The following INPP4B variants were observed in gnomAD, a reference collection of about 807,000 sequenced individuals.
INPP4B encodes the protein inositol polyphosphate 4-phosphatase type II.
A neutral mutation model predicts 122.5 loss-of-function variants in INPP4B; 55 were observed. The ratio of observed to expected loss-of-function variants is 0.45; its 90% CI spans 0.36 to 0.56. The LOEUF (loss-of-function observed/expected upper bound fraction) is 0.56, where lower values mean the gene tolerates loss of function less well. Among genes scored for constraint, INPP4B ranks in the 20% least tolerant of loss-of-function variants. INPP4B has a pLI of 0.00. For synonymous variants in INPP4B, 403 were observed against 388.7 expected, an observed-to-expected ratio of 1.04 and a Z score of -0.43; for missense variants, 1,000 against 1,097.7, an observed-to-expected ratio of 0.91 and a Z score of 1.26.
At chr4:142,775,871 C>T (rs1773829252) in intron 1 of INPP4B, among the ~76,000 whole-genome samples, 1 of 151,952 alleles carries the variant, frequency 6.6e-6, no homozygotes. Context: ...TTTGAGAATG[C>T]TCCTATTCAT....
chr4:142,168,791 C>T (rs534200499), intron 16 of INPP4B, among the ~76,000 whole-genome samples: 1 of 151,658 alleles, frequency 6.6e-6, no homozygotes, highest in Admixed American at 6.6e-5. Context: ...TCCAGGGTTC[C>T]TTCTGTGTGA....
intron 25 of INPP4B, among the ~76,000 whole-genome samples, chr4:142,033,407 T>C: frequency 6.6e-6 from 1 of 152,124 alleles, no homozygotes; most frequent in Non-Finnish European, 1.5e-5. Context: ...AAGGAGTTGC[T>C]GTAGTGAGTG....
rs1239440504 is a variant in INPP4B at position 142,024,095 on chromosome 4, C to T, written c.*4687G>A. ...TAATGTACACCATGATTCAGAAAAA[C>T]AAATGCAAATTTCCATACATTAACT... On this transcript the variant is annotated 3_prime_UTR_variant, in exon 26 of 26. Transcript: ENST00000262992. The T allele has an allele frequency of 1.3e-5, 2 of 152,050 alleles. No homozygotes were observed. Among genetic ancestry groups the T allele is most frequent in the Admixed American group, 6.6e-5 (1 of 15,252 alleles). 9.4% of individuals were successfully genotyped at this position (152,050 alleles called of 1,614,324 possible). A position where few individuals can be genotyped will look rare whatever the true frequency, so the allele number is the denominator to read the frequency against.
chr4:142,118,669 C>T (rs4563563), intron 21 of INPP4B, among the ~76,000 whole-genome samples: 29,075 of 148,572 alleles, frequency 0.2, 2,813 homozygotes, highest in South Asian at 0.26. Context: ...ACTTAAATGT[C>T]AGACCTAAAA....
intron 2 of INPP4B, among the ~76,000 whole-genome samples, chr4:142,605,591 GT>G (rs1741061073): frequency 6.6e-6 from 1 of 151,494 alleles, no homozygotes; most frequent in Admixed American, 6.6e-5. Flanking sequence ...ACAAAAACAA[GT>G]AATCCTACTA....
At position 142,146,054 on chromosome 4, in the gene INPP4B, G is replaced by C; in HGVS notation, c.1564-58C>G. On this transcript the variant is annotated intron_variant, in intron 17 of 25. Transcript: ENST00000262992. ...TGTCACAAAAACAAGATAAGGCAAA[G>C]TCGGATAAATCTATTTTAGAGAAGC... 1.9e-6 allele frequency: 3 copies of C among 1,560,740 alleles called. 1 individual carries two copies. In the South Asian group the frequency reaches 3.5e-5, roughly 18 times the overall value.
chr4:142,343,065 C>T (rs1779177678), intron 7 of INPP4B, among the ~76,000 whole-genome samples: 2 of 152,032 alleles, frequency 1.3e-5, no homozygotes, highest in South Asian at 4.2e-4. Flanking sequence ...AAGTACAAAT[C>T]AACATCATTA....
intron 5 of INPP4B, among the ~76,000 whole-genome samples, chr4:142,408,241 T>A (rs1579978915): frequency 6.9e-6 from 1 of 145,072 alleles, no homozygotes; most frequent in Non-Finnish European, 1.5e-5. Flanking sequence ...TAAAGAATCC[T>A]GAAAAATCTG....
At chr4:142,726,110 C>T (rs922833773) in intron 1 of INPP4B, among the ~76,000 whole-genome samples, 14 of 152,164 alleles carry the variant, frequency 9.2e-5, no homozygotes, top group African/African-American at 3.4e-4. Context: ...CAGCTGAGAA[C>T]ATGGGTGACT....
At chr4:142,720,789 C>CTATATA (rs1764493262) in intron 2 of INPP4B, among the ~76,000 whole-genome samples, 1 of 22,284 alleles carries the variant, frequency 4.5e-5, no homozygotes, top group African/African-American at 1.5e-4. Flanking sequence ...CTCTCTCTCT[C>CTATATA]TCTCTCTCTC....
At chr4:142,314,886 GA>G in intron 7 of INPP4B, 124 bp from the exon 8 acceptor site, 1 of 752,552 alleles carries the variant, frequency 1.3e-6, no homozygotes, top group Non-Finnish European at 2.2e-6. Flanking sequence ...AATCATTAAT[GA>G]ATTCACCTGT....
chr4:142,101,717 A>G (rs1383663581), intron 23 of INPP4B, among the ~76,000 whole-genome samples: 2 of 152,142 alleles, frequency 1.3e-5, no homozygotes, highest in Non-Finnish European at 2.9e-5. Context: ...ATGTGTATCA[A>G]TTTGTAAGTT....
At chr4:142,357,129 A>G (rs139119670) in intron 7 of INPP4B, among the ~76,000 whole-genome samples, 105 of 152,102 alleles carry the variant, frequency 6.9e-4, no homozygotes, top group African/African-American at 2.4e-3. Flanking sequence ...AATTAGCAAT[A>G]GTAAGTAGAA....
At chr4:142,388,393 T>G (rs1320203648) in intron 7 of INPP4B, among the ~76,000 whole-genome samples, 1 of 152,164 alleles carries the variant, frequency 6.6e-6, no homozygotes, top group African/African-American at 2.4e-5. Flanking sequence ...GGTTTTTTTT[T>G]TTCCTTCTCA....
chr4:142,313,231 A>G (rs1255805964), intron 8 of INPP4B, among the ~76,000 whole-genome samples: 1 of 152,204 alleles, frequency 6.6e-6, no homozygotes. Flanking sequence ...AATATCATTA[A>G]AGCTTCAAGC....
intron 21 of INPP4B, 40 bp from the exon 22 acceptor site, chr4:142,112,722 T>C (rs1320070591): frequency 3.2e-6 from 5 of 1,574,768 alleles, no homozygotes; most frequent in Non-Finnish European, 2.6e-6. Context: ...ACATTACTTA[T>C]TTGTTTTGTG....
chr4:142,333,741 T>A (rs1485560538), intron 7 of INPP4B, among the ~76,000 whole-genome samples: 1 of 152,138 alleles, frequency 6.6e-6, no homozygotes, highest in Non-Finnish European at 1.5e-5. Flanking sequence ...TTTATTGAGG[T>A]ATAATTGACA....
intron 3 of INPP4B, among the ~76,000 whole-genome samples, chr4:142,455,590 T>G (rs1372268975): frequency 6.6e-6 from 1 of 152,034 alleles, no homozygotes; most frequent in Non-Finnish European, 1.5e-5. Flanking sequence ...TGCTTCCAAC[T>G]ATTGTGAACA....
chr4:142,804,262 C>T (rs1264518888), intron 1 of INPP4B, among the ~76,000 whole-genome samples: 1 of 152,068 alleles, frequency 6.6e-6, no homozygotes, highest in African/African-American at 2.4e-5. Context: ...CAAAGACTTC[C>T]CATTTCACTC....
Sources: allele counts gnomAD v4.1 joint callset (sites outside exome capture counted in the v4.1 genomes callset), GRCh38; gene constraint gnomAD v4.1.1; transcripts MANE v1.5; gene names NCBI Gene and HGNC (gene_info 2026-07-23, HGNC 2026-07-21).